Variants in RYR2 observed in about 807,000 individuals in gnomAD.
RYR2 encodes ryanodine receptor 2.
In RYR2, 227 loss-of-function variants were observed where a neutral mutation model predicts 601.1. The observed-to-expected ratio is 0.38, with a 90% confidence interval of 0.34 to 0.42. The LOEUF (loss-of-function observed/expected upper bound fraction) is 0.42, where lower values mean the gene tolerates loss of function less well. Among genes scored for constraint, RYR2 ranks in the 10% least tolerant of loss-of-function variants. The pLI is 1.00. For synonymous variants in RYR2, 2,223 were observed against 2,175.1 expected (o/e 1.02, Z -0.61); for missense variants, 4,646 against 6,156.5 (o/e 0.75, Z 8.21).
rs559805478 is a variant in RYR2, at chr1:237,127,588, C to T, written c.48+85019C>T. On this transcript the variant is annotated intron_variant, in intron 1 of 104. Transcript: ENST00000366574. ...TGACCCCCCCCACCTCCCTCCCGGA[C>T]GGGGTGGCTGCCGGGCGGAGACGCT... Among the ~76,000 whole-genome samples, 298 of 149,874 alleles carry T rather than the reference C, an allele frequency of 2.0e-3. 3 individuals are homozygous for T. The Middle Eastern group carries it at 0.047, about 24-fold the overall frequency.
chr1:237,475,572 CA>C (rs982876574), intron 17 of RYR2, among the ~76,000 whole-genome samples: 8 of 151,992 alleles, frequency 5.3e-5, no homozygotes, highest in Non-Finnish European at 8.8e-5. Flanking sequence ...GAAGTGGAAG[CA>C]AAAATTATAC....
At chr1:237,540,430 G>T (rs747424226) in intron 25 of RYR2, among the ~76,000 whole-genome samples, 36 of 151,262 alleles carry the variant, frequency 2.4e-4, no homozygotes, top group Non-Finnish European at 4.3e-4. Context: ...TATTAGGGCT[G>T]AGCACGGTGG....
At position 237,599,564 on chromosome 1, in the gene RYR2, T is replaced by C. The variant is rs1676264544; in HGVS notation, c.4597-2461T>C. ...GGCTGGGCGCAGTGACTCATGCCTG[T>C]AATCCCAGCACTTTGGGAGGCCGAG... On this transcript the variant is annotated intron_variant, in intron 34 of 104. Coordinates refer to ENST00000366574, the MANE Select transcript of RYR2 (RefSeq NM_001035.3). Among the ~76,000 whole-genome samples the C allele has an allele frequency of 1.3e-5, 2 of 152,170 alleles. 1 individual carries two copies. Among genetic ancestry groups the C allele is most frequent in the Admixed American group, 1.3e-4 (2 of 15,280 alleles).
At chr1:237,567,991 G>T (rs1672276747) in intron 28 of RYR2, among the ~76,000 whole-genome samples, 1 of 151,856 alleles carries the variant, frequency 6.6e-6, no homozygotes, top group South Asian at 2.1e-4. Flanking sequence ...GTCAAAATTA[G>T]CAAACTTTAA....
chr1:237,814,701 G>T (rs790888), intron 100 of RYR2, among the ~76,000 whole-genome samples: 4 of 151,804 alleles, frequency 2.6e-5, no homozygotes, highest in Non-Finnish European at 5.9e-5. Context: ...AGATGATTGT[G>T]GCTAGATAGC....
chr1:237,618,717 A>G (rs930738795), intron 38 of RYR2, among the ~76,000 whole-genome samples: 1 of 152,158 alleles, frequency 6.6e-6, no homozygotes, highest in Non-Finnish European at 1.5e-5. Flanking sequence ...CCCCACCCAC[A>G]CTGGGCACAG....
intron 16 of RYR2, among the ~76,000 whole-genome samples, chr1:237,460,247 T>C (rs186686262): frequency 6.6e-6 from 1 of 152,024 alleles, no homozygotes; most frequent in East Asian, 1.9e-4. Context: ...GAGTGTGCTA[T>C]TTCCTAAAAT....
At chr1:237,689,101 A>G (rs1266732514) in intron 63 of RYR2, among the ~76,000 whole-genome samples, 1 of 152,068 alleles carries the variant, frequency 6.6e-6, no homozygotes, top group Non-Finnish European at 1.5e-5. Context: ...TGGCTCTACA[A>G]AAAATAAAAA....
intron 17 of RYR2, among the ~76,000 whole-genome samples, chr1:237,489,927 C>T (rs1663134159): frequency 6.6e-6 from 1 of 152,146 alleles, no homozygotes; most frequent in African/African-American, 2.4e-5. Context: ...AAATGTGGTA[C>T]CTATGCGTCA....
chr1:237,230,944 A>G (rs1684933748), intron 1 of RYR2, among the ~76,000 whole-genome samples: 2 of 151,222 alleles, frequency 1.3e-5, no homozygotes, highest in Admixed American at 6.6e-5. Context: ...AAAAAAAAGG[A>G]TACTCCTCAA....
At chr1:237,679,116 G>A (rs1029542015) in intron 61 of RYR2, among the ~76,000 whole-genome samples, 17 of 152,084 alleles carry the variant, frequency 1.1e-4, no homozygotes, top group African/African-American at 3.4e-4. Flanking sequence ...CATAGTTAGC[G>A]ATTCATGAAT....
chr1:237,681,729 T>G (rs1685902858), intron 62 of RYR2, among the ~76,000 whole-genome samples: 1 of 152,192 alleles, frequency 6.6e-6, no homozygotes, highest in South Asian at 2.1e-4. Flanking sequence ...AACATGGCCT[T>G]CCTTCCCACC....
At chr1:237,332,522 T>G (rs1052045610) in intron 3 of RYR2, among the ~76,000 whole-genome samples, 1 of 152,190 alleles carries the variant, frequency 6.6e-6, no homozygotes, top group Non-Finnish European at 1.5e-5. Flanking sequence ...AATTCTCAAT[T>G]TAGTTTCATT....
intron 3 of RYR2, among the ~76,000 whole-genome samples, chr1:237,350,301 C>A (rs1395133617): frequency 6.6e-6 from 1 of 151,578 alleles, no homozygotes; most frequent in African/African-American, 2.4e-5. Context: ...AAGGGCTGGG[C>A]GCTGTGGCTC....
intron 53 of RYR2, 60 bp from the exon 54 acceptor site, chr1:237,657,880 TATTA>T (rs1461048409): frequency 1.0e-5 from 9 of 883,866 alleles, no homozygotes; most frequent in Non-Finnish European, 1.4e-5. Flanking sequence ...GTGAGTAAAT[TATTA>T]ATATGATTTC....
Position 237,763,185 on chromosome 1 carries a change from AT to A in RYR2, c.11476+2159del, listed in dbSNP as rs1301171993. Among the ~76,000 whole-genome samples the A allele has an allele frequency of 2.6e-5, 4 of 152,282 alleles. No individual in the cohort carries two copies. The East Asian group carries it at 7.7e-4, about 29-fold the overall frequency. On this transcript the variant is annotated intron_variant, in intron 84 of 104. Coordinates refer to ENST00000366574, the MANE Select transcript of RYR2 (RefSeq NM_001035.3). ...ACAAGCATTTCAATTACATTTTCGGATTGGTTTTGTTGCTTTTCAGTTAAAA... is the reference window on the plus strand; with the variant it reads ...ACAAGCATTTCAATTACATTTTCGGATGGTTTTGTTGCTTTTCAGTTAAAA...
chr1:237,192,187 A>C (rs1383354202), intron 1 of RYR2, among the ~76,000 whole-genome samples: 1 of 151,974 alleles, frequency 6.6e-6, no homozygotes, highest in Admixed American at 6.6e-5. Context: ...AAAAAAAAAA[A>C]AACATTTTCT....
At chr1:237,153,299 T>C (rs776882458) in intron 1 of RYR2, among the ~76,000 whole-genome samples, 9 of 152,184 alleles carry the variant, frequency 5.9e-5, no homozygotes, top group Non-Finnish European at 1.2e-4. Context: ...GTTGAGTAAC[T>C]TGTGGCTTTA....
intron 53 of RYR2, among the ~76,000 whole-genome samples, 152 bp downstream of exon 53, chr1:237,656,136 G>A (rs893744485): frequency 6.6e-6 from 1 of 151,838 alleles, no homozygotes; most frequent in Non-Finnish European, 1.5e-5. Context: ...TAAAACGATA[G>A]TAATAATAAT....
Sources: gnomAD v4.1 joint callset for allele counts (sites outside exome capture counted in the v4.1 genomes callset) on GRCh38, gnomAD v4.1.1 for gene constraint, MANE v1.5 for transcripts, NCBI Gene and HGNC (gene_info 2026-07-23, HGNC 2026-07-21) for gene names.